The following PTPRG variants were observed in gnomAD, a reference collection of about 807,000 sequenced individuals.
The protein encoded by PTPRG is protein tyrosine phosphatase receptor type G, also known as receptor-type tyrosine-protein phosphatase gamma.
In PTPRG, 102 loss-of-function variants were observed where a neutral mutation model predicts 165.3. The observed-to-expected ratio is 0.62, with a 90% CI of 0.53 to 0.73. PTPRG has a LOEUF of 0.73. Ranked by LOEUF, PTPRG falls within the 30% of genes least tolerant of loss-of-function variation. PTPRG has a pLI of 0.00. For missense variants in PTPRG, 1,866 were observed against 1,861.4 expected, an observed-to-expected ratio of 1.00 and a Z score of -0.05; for synonymous variants, 675 against 669.5, an observed-to-expected ratio of 1.01 and a Z score of -0.13.
At position 62,292,655 on chromosome 3, in the gene PTPRG, C is replaced by T. The variant is rs187908081; in HGVS notation, c.4191+99C>T. 4.2e-6 allele frequency: 6 copies of T among 1,412,386 alleles called. No individual in the cohort carries two copies. The East Asian group carries it at 1.4e-4, about 33-fold the overall frequency. 87.5% of individuals were successfully genotyped at this position (1,412,386 alleles called of 1,614,324 possible). A position where few individuals can be genotyped will look rare whatever the true frequency, so the allele number is the denominator to read the frequency against. The stretch of plus-strand genomic sequence containing the variant: ...TCTCAATTGGGGGTGATTTTGCCCC[C>T]CAGGGGACATTTGGCCATGTCTGGA... On this transcript the variant is annotated intron_variant, in intron 29 of 29. Coordinates refer to ENST00000474889, the MANE Select transcript of PTPRG (RefSeq NM_002841.4).
chr3:61,647,812 G>T (rs201059186), intron 1 of PTPRG, among the ~76,000 whole-genome samples: 16 of 71,910 alleles, frequency 2.2e-4, no homozygotes, highest in African/African-American at 7.3e-4. Context: ...AAAAAAAAAA[G>T]AGTTAGCAAT....
intron 2 of PTPRG, among the ~76,000 whole-genome samples, chr3:61,944,738 C>G (rs2039714282): frequency 2.0e-5 from 3 of 152,132 alleles, no homozygotes; most frequent in African/African-American, 7.2e-5. Flanking sequence ...CTGGAATGTA[C>G]TATCACTGGC....
rs141027716 is a variant in PTPRG at position 62,075,769 on chromosome 3, C to G, written c.520-2394C>G. 8.4e-4 allele frequency among the ~76,000 whole-genome samples: 128 copies of G among 152,270 alleles called. 2 individuals carry two copies. In the East Asian group the frequency reaches 0.021, roughly 25 times the overall value. On this transcript the variant is annotated intron_variant, in intron 4 of 29. Coordinates refer to ENST00000474889, the MANE Select transcript of PTPRG (RefSeq NM_002841.4). ...GGGACTTTATTGTTCACCGTCAAATCTCTAAATCTCTCTGGGGTGTGGTTG... is the reference window on the plus strand; with the variant it reads ...GGGACTTTATTGTTCACCGTCAAATGTCTAAATCTCTCTGGGGTGTGGTTG...
At position 61,561,974 on chromosome 3, in the gene PTPRG, G is replaced by C. The variant is rs962000245; in HGVS notation, c.-314G>C. 1 of 229,354 alleles carries C rather than the reference G, an allele frequency of 4.4e-6. No individual in the cohort carries two copies. Among genetic ancestry groups the C allele is most frequent in the African/African-American group, 2.3e-5 (1 of 43,202 alleles). 14.2% of individuals were successfully genotyped at this position (229,354 alleles called of 1,614,324 possible). A position where few individuals can be genotyped will look rare whatever the true frequency, so the allele number is the denominator to read the frequency against. On this transcript the variant is annotated 5_prime_UTR_variant, in exon 1 of 30. Coordinates refer to ENST00000474889, the MANE Select transcript of PTPRG (RefSeq NM_002841.4). ...CGCGGTCCCTGCCTGCCCCAGGCCC[G>C]GGGCATCGCCGCCGGCCGCCGACTC... is the stretch of plus-strand genomic sequence containing the variant.
intron 2 of PTPRG, among the ~76,000 whole-genome samples, chr3:61,988,533 T>G (rs1467380515): frequency 6.6e-6 from 1 of 152,172 alleles, no homozygotes; most frequent in Non-Finnish European, 1.5e-5. Context: ...TGTCTTCCAT[T>G]GTATGAGGCT....
chr3:62,140,013 A>C (rs1038651472), intron 6 of PTPRG, among the ~76,000 whole-genome samples: 3 of 152,244 alleles, frequency 2.0e-5, no homozygotes, highest in Non-Finnish European at 2.9e-5. Context: ...AGTTTCTACA[A>C]TAAAGAGTAA....
At chr3:62,049,131 A>AC (rs1700389742) in intron 4 of PTPRG, among the ~76,000 whole-genome samples, 1 of 152,002 alleles carries the variant, frequency 6.6e-6, no homozygotes, top group South Asian at 2.1e-4. Flanking sequence ...AAAAAAAAAA[A>AC]CAGAAGCCGG....
intron 12 of PTPRG, among the ~76,000 whole-genome samples, chr3:62,208,177 TC>T (rs1320760540): frequency 1.3e-5 from 2 of 152,124 alleles, no homozygotes; most frequent in African/African-American, 2.4e-5. Context: ...CTAGGTGTAC[TC>T]CCTCCCTTTC....
intron 1 of PTPRG, chr3:61,742,386 G>C (rs183067719): frequency 6.3e-6 from 7 of 1,117,156 alleles, no homozygotes; most frequent in Non-Finnish European, 7.4e-6. Flanking sequence ...GGAAGAAATT[G>C]GGCCTTTGGG....
chr3:62,117,434 A>G (rs767957968), intron 5 of PTPRG, among the ~76,000 whole-genome samples: 2 of 152,198 alleles, frequency 1.3e-5, no homozygotes, highest in Admixed American at 6.5e-5. Context: ...ATTTGCAGGG[A>G]TACCAAGATC....
intron 7 of PTPRG, among the ~76,000 whole-genome samples, chr3:62,165,379 C>T (rs940332423): frequency 6.6e-6 from 1 of 152,130 alleles, no homozygotes; most frequent in African/African-American, 2.4e-5. Context: ...TTTGGTAGTC[C>T]TGTCAAGTGA....
At chr3:61,625,431 T>C (rs1559529404) in intron 1 of PTPRG, among the ~76,000 whole-genome samples, 1 of 152,204 alleles carries the variant, frequency 6.6e-6, no homozygotes, top group Non-Finnish European at 1.5e-5. Flanking sequence ...ACCCATCAAC[T>C]AAACCCAGCT....
chr3:62,285,528 G>GC (rs1244064249), intron 28 of PTPRG, among the ~76,000 whole-genome samples: 1 of 140,484 alleles, frequency 7.1e-6, no homozygotes, highest in Non-Finnish European at 1.6e-5. Flanking sequence ...GGTTGTTGGG[G>GC]GGGGGGGGTC....
At chr3:61,825,282 T>A (rs2036073610) in intron 2 of PTPRG, among the ~76,000 whole-genome samples, 1 of 152,232 alleles carries the variant, frequency 6.6e-6, no homozygotes, top group Non-Finnish European at 1.5e-5. Flanking sequence ...CCATGTTTTA[T>A]TTTAAAGACC....
intron 28 of PTPRG, among the ~76,000 whole-genome samples, chr3:62,288,115 T>C (rs1702738955): frequency 6.8e-6 from 1 of 146,502 alleles, no homozygotes; most frequent in Non-Finnish European, 1.5e-5. Context: ...TTTCAAAACC[T>C]GGTGAAATGG....
intron 2 of PTPRG, among the ~76,000 whole-genome samples, chr3:61,978,982 T>A (rs1268313225): frequency 6.6e-6 from 1 of 152,196 alleles, no homozygotes; most frequent in Non-Finnish European, 1.5e-5. Flanking sequence ...TCAGTTTCAT[T>A]ATCTGTAAAA....
chr3:62,211,571 G>A (rs1052442708), intron 12 of PTPRG, among the ~76,000 whole-genome samples: 7 of 152,126 alleles, frequency 4.6e-5, no homozygotes, highest in Non-Finnish European at 1.0e-4. Flanking sequence ...GGTTTTTAAT[G>A]AGTGGTATGG....
At chr3:62,052,015 ATCT>A (rs1484408340) in intron 4 of PTPRG, among the ~76,000 whole-genome samples, 1 of 152,198 alleles carries the variant, frequency 6.6e-6, no homozygotes, top group Non-Finnish European at 1.5e-5. Flanking sequence ...TCTGTCACCC[ATCT>A]TCTGAGTAAA....
chr3:62,154,763 C>T (rs981630326), intron 6 of PTPRG, among the ~76,000 whole-genome samples: 2 of 152,150 alleles, frequency 1.3e-5, no homozygotes, highest in Admixed American at 6.5e-5. Flanking sequence ...TCTTCTGATT[C>T]TCTAGCCATT....
Sources: allele counts gnomAD v4.1 joint callset (sites outside exome capture counted in the v4.1 genomes callset), GRCh38; gene constraint gnomAD v4.1.1; transcripts MANE v1.5; gene names NCBI Gene and HGNC (gene_info 2026-07-23, HGNC 2026-07-21).